The following NRXN1 variants were observed in gnomAD, a reference collection of about 807,000 sequenced individuals.
NRXN1 encodes the protein neurexin-1.
A neutral mutation model predicts 150.9 loss-of-function variants in NRXN1; 39 were observed. The ratio of observed to expected loss-of-function variants is 0.26; its 90% CI spans 0.20 to 0.34. The LOEUF (loss-of-function observed/expected upper bound fraction) is 0.34. NRXN1 is among the 10% of genes least tolerant of loss of function. The pLI, the probability that NRXN1 is intolerant of heterozygous loss-of-function variation, is 1.00. For missense variants in NRXN1, 1,815 were observed against 1,949.9 expected (o/e 0.93, Z 1.30); for synonymous variants, 924 against 757.0 (o/e 1.22, Z -3.62).
chr2:50,479,419 G>A (rs890069136), intron 15 of NRXN1, among the ~76,000 whole-genome samples: 1 of 152,102 alleles, frequency 6.6e-6, no homozygotes, highest in Non-Finnish European at 1.5e-5. Context: ...AAATATCTTG[G>A]AATCCTCATA....
At chr2:50,243,494 G>T (rs2066222047) in intron 17 of NRXN1, among the ~76,000 whole-genome samples, 1 of 151,812 alleles carries the variant, frequency 6.6e-6, no homozygotes, top group South Asian at 2.1e-4. Flanking sequence ...TGCAAACTGA[G>T]CAAGACAGGG....
intron 5 of NRXN1, among the ~76,000 whole-genome samples, chr2:50,870,946 G>A (rs1158288579): frequency 6.6e-6 from 1 of 151,846 alleles, no homozygotes; most frequent in Non-Finnish European, 1.5e-5. Context: ...CATTGAATAA[G>A]TTAACAATAG....
chr2:50,384,531 A>AAAG, intron 17 of NRXN1, among the ~76,000 whole-genome samples: 1 of 146,134 alleles, frequency 6.8e-6, no homozygotes, highest in East Asian at 2.1e-4. Flanking sequence ...AAAAAAAAAA[A>AAAG]AAAATGCATC....
chr2:50,439,816 CA>C (rs57765606), intron 17 of NRXN1, among the ~76,000 whole-genome samples: 2,138 of 126,088 alleles, frequency 0.017, 42 homozygotes, highest in African/African-American at 0.055. Context: ...GACTCTGTCT[CA>C]AAAAAAAAAA....
intron 5 of NRXN1, among the ~76,000 whole-genome samples, chr2:50,665,605 G>A (rs989895218): frequency 6.6e-6 from 1 of 151,992 alleles, no homozygotes; most frequent in Non-Finnish European, 1.5e-5. Flanking sequence ...ACTCTGCAAA[G>A]TATTTGAGCT....
chr2:50,710,574 G>A (rs1341989664), intron 5 of NRXN1, among the ~76,000 whole-genome samples: 2 of 152,168 alleles, frequency 1.3e-5, no homozygotes, highest in African/African-American at 4.8e-5. Flanking sequence ...AGGCATTGAA[G>A]TTAATGTCAA....
chr2:50,538,546 C>A lies in NRXN1; in HGVS notation c.1850G>T (p.Gly617Val). 2 of 1,584,738 alleles carry A rather than the reference C, an allele frequency of 1.3e-6. No homozygotes were observed. Among genetic ancestry groups the A allele is most frequent in the East Asian group, 2.2e-5 (1 of 44,636 alleles). ...LDLDDELYLGGLPENKAGLVF... is the reference protein window; with the variant it reads ...LDLDDELYLGVLPENKAGLVF... ...AAGGCCAGCTTTATTTTCTGGCAGC[C>A]CCCCCAGGTACAACTCATCATCCAG... is the stretch of plus-strand genomic sequence containing the variant. The change falls in exon 10 of 23, where the codon GGG (glycine) becomes GTG (valine). Residue 617 changes from glycine (G) to valine (V), a missense_variant. This residue lies in a region of NRXN1 where 638 missense variants were observed against 652.6 expected (regional missense o/e 0.98). Coordinates refer to ENST00000401669, the MANE Select transcript of NRXN1 (RefSeq NM_001330078.2).
In NRXN1 at chr2:50,120,737, G is replaced by A. The variant is rs71407584; in HGVS notation, c.3547-29243C>T. Among the ~76,000 whole-genome samples the A allele has an allele frequency of 5.1e-3, 769 of 151,954 alleles. 5 individuals are homozygous for A. The highest frequency in any genetic ancestry group is 6.4e-3 in the Non-Finnish European group (438 of 67,950). ...TCTGGAATTTACTATAATACATACC[G>A]GTTAAGTTATTAAAATTTAATCTTT... On this transcript the variant is annotated intron_variant, in intron 18 of 22. Coordinates refer to ENST00000401669, the MANE Select transcript of NRXN1 (RefSeq NM_001330078.2).
intron 17 of NRXN1, among the ~76,000 whole-genome samples, chr2:50,404,843 G>C (rs1374775660): frequency 6.6e-6 from 1 of 152,058 alleles, no homozygotes; most frequent in Non-Finnish European, 1.5e-5. Context: ...CAGTCAGAGA[G>C]AAAGGATCTT....
chr2:50,286,664 A>C (rs529799658), intron 17 of NRXN1, among the ~76,000 whole-genome samples: 54 of 152,258 alleles, frequency 3.5e-4, no homozygotes, highest in African/African-American at 1.0e-3. Context: ...CATCAAATCA[A>C]CAAAACTAGA....
chr2:50,877,696 T>C (rs567796784), intron 5 of NRXN1, among the ~76,000 whole-genome samples: 47 of 152,040 alleles, frequency 3.1e-4, no homozygotes, highest in African/African-American at 8.9e-4. Context: ...TGAATGGTAA[T>C]ATGCATGTGA....
chr2:50,534,916 G>GA (rs1227361243), intron 10 of NRXN1, among the ~76,000 whole-genome samples: 1 of 152,070 alleles, frequency 6.6e-6, no homozygotes, highest in East Asian at 1.9e-4. Flanking sequence ...ACAACCCAGA[G>GA]AAAAAAATAA....
intron 5 of NRXN1, among the ~76,000 whole-genome samples, chr2:50,688,136 A>C (rs541058972): frequency 1.3e-5 from 2 of 152,236 alleles, no homozygotes; most frequent in Non-Finnish European, 2.9e-5. Flanking sequence ...TTTCCCATGT[A>C]TTAATCTACC....
At chr2:50,251,647 A>G (rs1191032251) in intron 17 of NRXN1, among the ~76,000 whole-genome samples, 1 of 152,142 alleles carries the variant, frequency 6.6e-6, no homozygotes, top group African/African-American at 2.4e-5. Flanking sequence ...CATTCCCACC[A>G]ACAGTGTAAA....
chr2:50,508,133 T>C (rs775508499), intron 12 of NRXN1, among the ~76,000 whole-genome samples: 6 of 152,200 alleles, frequency 3.9e-5, no homozygotes, highest in Non-Finnish European at 5.9e-5. Flanking sequence ...TTCTCTCTTA[T>C]GGTGCTACTA....
intron 13 of NRXN1, 110 bp downstream of exon 13, chr2:50,506,385 G>T: frequency 7.7e-6 from 7 of 907,296 alleles, no homozygotes; most frequent in Non-Finnish European, 1.1e-5. Flanking sequence ...AAAATGGATT[G>T]TGTGAATACA....
intron 22 of NRXN1, among the ~76,000 whole-genome samples, chr2:49,939,657 C>A (rs921242318): frequency 1.3e-5 from 2 of 152,042 alleles, no homozygotes; most frequent in African/African-American, 2.4e-5. Context: ...AATTTTCAGC[C>A]AGGAAAAGTA....
At chr2:50,994,974 G>A (rs1185782532) in intron 2 of NRXN1, among the ~76,000 whole-genome samples, 2 of 151,688 alleles carry the variant, frequency 1.3e-5, no homozygotes, top group Non-Finnish European at 1.5e-5. Context: ...AATCACTGAC[G>A]CTTAAAGTGT....
chr2:50,876,618 G>A (rs566984565), intron 5 of NRXN1, among the ~76,000 whole-genome samples: 3 of 151,734 alleles, frequency 2.0e-5, no homozygotes, highest in East Asian at 2.0e-4. Context: ...TTCTTTCAAC[G>A]TCTTCTTTTC....
Sources: allele counts gnomAD v4.1 joint callset (sites outside exome capture counted in the v4.1 genomes callset), GRCh38; gene constraint gnomAD v4.1.1; regional missense constraint gnomAD v4.1.1; transcripts MANE v1.5; gene names NCBI Gene and HGNC (gene_info 2026-07-23, HGNC 2026-07-21).